The following CENPC variants were observed in gnomAD, a reference collection of about 807,000 sequenced individuals.
CENPC encodes CENP-C 1.
A neutral mutation model predicts 112.1 loss-of-function variants in CENPC; 63 were observed. That is an observed-to-expected ratio of 0.56 (90% confidence interval 0.46 to 0.69). The LOEUF is 0.69. Among genes scored for constraint, CENPC ranks in the 30% least tolerant of loss-of-function variants. The pLI, the probability that CENPC is intolerant of heterozygous loss-of-function variation, is 0.00. For synonymous variants in CENPC, 333 were observed against 367.6 expected (o/e 0.91, Z 1.08); for missense variants, 1,000 against 1,103.8 (o/e 0.91, Z 1.33).
chr4:67,490,771 T>C (rs983604619), intron 16 of CENPC, among the ~76,000 whole-genome samples: 4 of 149,806 alleles, frequency 2.7e-5, no homozygotes, highest in African/African-American at 9.8e-5. Flanking sequence ...GTCATCAATG[T>C]CTGATTCTGT....
intron 8 of CENPC, 86 bp from the exon 9 acceptor site, chr4:67,512,655 T>A: frequency 1.1e-6 from 1 of 917,666 alleles, no homozygotes; most frequent in Non-Finnish European, 1.6e-6. Flanking sequence ...AACCGTCAAT[T>A]ACAGGAACTT....
At position 67,540,018 on chromosome 4, in the gene CENPC, G is replaced by C. The variant is rs1726843657; in HGVS notation, c.137-84C>G. The C allele has an allele frequency of 4.7e-6, 3 of 640,510 alleles. No individual in the cohort carries two copies. In the East Asian group the frequency reaches 9.9e-5, roughly 21 times the overall value. 39.7% of individuals were successfully genotyped at this position (640,510 alleles called of 1,614,324 possible). Reference sequence around the variant, plus strand: ...AATTAAAAGTAGCTGTATATGACATGTGAAGAACCATCTGTTGACTCACTG... The same window carrying C: ...AATTAAAAGTAGCTGTATATGACATCTGAAGAACCATCTGTTGACTCACTG... On this transcript the variant is annotated intron_variant, in intron 3 of 18. Coordinates refer to ENST00000273853, the MANE Select transcript of CENPC (RefSeq NM_001812.4).
intron 2 of CENPC, among the ~76,000 whole-genome samples, chr4:67,543,862 C>T (rs1726954278): frequency 6.6e-6 from 1 of 152,098 alleles, no homozygotes; most frequent in Admixed American, 6.5e-5. Flanking sequence ...CTAATTTTAC[C>T]ATTTGATTCA....
At chr4:67,540,316 C>G (rs1446660994) in intron 3 of CENPC, among the ~76,000 whole-genome samples, 1 of 152,172 alleles carries the variant, frequency 6.6e-6, no homozygotes, top group African/African-American at 2.4e-5. Flanking sequence ...ATGTAAATCA[C>G]CAAAGATTAT....
At chr4:67,504,142 C>T (rs1375728314) in intron 12 of CENPC, among the ~76,000 whole-genome samples, 1 of 145,824 alleles carries the variant, frequency 6.9e-6, no homozygotes. Context: ...GAGCTAGAAC[C>T]AATCCCAGGT....
chr4:67,497,794 T>C (rs1341124335), intron 12 of CENPC, among the ~76,000 whole-genome samples: 2 of 98,408 alleles, frequency 2.0e-5, no homozygotes, highest in Admixed American at 2.6e-4. Flanking sequence ...TCCCAAAGTG[T>C]TGGGTGGCTC....
rs1031197584 is a variant in CENPC at position 67,471,481 on chromosome 4, G to A, written c.*1124C>T. 1.3e-5 allele frequency: 2 copies of A among 151,854 alleles called. No homozygotes were observed. Among genetic ancestry groups the A allele is most frequent in the Non-Finnish European group, 2.9e-5 (2 of 67,980 alleles). The allele number at this position is 151,854 out of a possible 1,614,324, so 9.4% of individuals were successfully genotyped here. A position where few individuals can be genotyped will look rare whatever the true frequency, so the allele number is the denominator to read the frequency against. On this transcript the variant is annotated 3_prime_UTR_variant, in exon 19 of 19. Transcript: ENST00000273853. Reference sequence around the variant, plus strand: ...TAAATCTGTATGGGCCCAGATACTTGATTAGTCAAGCCTTCAATAAGACTT... The same window carrying A: ...TAAATCTGTATGGGCCCAGATACTTAATTAGTCAAGCCTTCAATAAGACTT...
chr4:67,500,437 C>G (rs188926803), intron 12 of CENPC, among the ~76,000 whole-genome samples: 2 of 152,140 alleles, frequency 1.3e-5, no homozygotes, highest in African/African-American at 4.8e-5. Flanking sequence ...ACAAGGATCA[C>G]GTCAAGTGCC....
intron 17 of CENPC, among the ~76,000 whole-genome samples, chr4:67,484,941 A>C (rs1292479621): frequency 2.0e-5 from 3 of 152,124 alleles, no homozygotes; most frequent in Admixed American, 2.0e-4. Context: ...AAAATACAAA[A>C]AATTAGCCAG....
At chr4:67,524,567 T>G (rs1332672595) in intron 5 of CENPC, among the ~76,000 whole-genome samples, 1 of 152,102 alleles carries the variant, frequency 6.6e-6, no homozygotes, top group Non-Finnish European at 1.5e-5. Flanking sequence ...AAAACATGAA[T>G]GAACTCCCAT....
rs1381277729 is a variant in CENPC at position 67,516,032 on chromosome 4, G to A, written c.831-1345C>T. ...TTGTAAAAGGCTAAAGAGTAAGACA[G>A]ACAATTTCAACTACAATCTTATGGC... On this transcript the variant is annotated intron_variant, in intron 7 of 18. Coordinates refer to ENST00000273853, the MANE Select transcript of CENPC (RefSeq NM_001812.4). Among the ~76,000 whole-genome samples, 66 of 151,928 alleles carry A rather than the reference G, an allele frequency of 4.3e-4. 1 individual carries two copies. Among genetic ancestry groups the A allele is most frequent in the Admixed American group, 4.3e-3 (66 of 15,262 alleles).
rs1356631072 is a variant in CENPC at position 67,544,214 on chromosome 4, A to T, written c.19-19T>A. 2 of 1,483,140 alleles carry T rather than the reference A, an allele frequency of 1.3e-6. No individual in the cohort carries two copies. The highest frequency in any genetic ancestry group is 3.4e-5 in the Admixed American group (2 of 58,256). The allele number at this position is 1,483,140 out of a possible 1,614,324, so 91.9% of individuals were successfully genotyped here. A position where few individuals can be genotyped will look rare whatever the true frequency, so the allele number is the denominator to read the frequency against. On this transcript the variant is annotated intron_variant, in intron 1 of 18. Coordinates refer to ENST00000273853, the MANE Select transcript of CENPC (RefSeq NM_001812.4). ...GATGATCCTGAAAGAAAAGTAAATC[A>T]TCAATTTGGTTTCTTTAAGATAGAG...
At chr4:67,524,935 G>A (rs766144684) in intron 5 of CENPC, among the ~76,000 whole-genome samples, 5 of 152,072 alleles carry the variant, frequency 3.3e-5, no homozygotes, top group African/African-American at 1.2e-4. Context: ...TATACTATAA[G>A]GCTACAGTAA....
intron 5 of CENPC, among the ~76,000 whole-genome samples, chr4:67,529,889 G>GA: frequency 6.6e-6 from 1 of 151,932 alleles, no homozygotes; most frequent in Admixed American, 6.6e-5. Flanking sequence ...GTTGACAGAG[G>GA]AAAAAACAAA....
intron 12 of CENPC, among the ~76,000 whole-genome samples, chr4:67,499,943 G>C (rs1041807595): frequency 1.3e-5 from 2 of 152,160 alleles, no homozygotes; most frequent in African/African-American, 2.4e-5. Flanking sequence ...AGCCTGAAGA[G>C]AGGGAGAAAG....
At chr4:67,488,150 T>G (rs1407903710) in intron 17 of CENPC, among the ~76,000 whole-genome samples, 1 of 151,636 alleles carries the variant, frequency 6.6e-6, no homozygotes, top group East Asian at 1.9e-4. Context: ...AGATACTATA[T>G]ACAAAGAACT....
chr4:67,471,016 C>G lies in CENPC; in HGVS notation c.*1589G>C, dbSNP rs962003658. 6.6e-6 allele frequency: 1 copy of G among 152,116 alleles called. No homozygotes were observed. The allele number at this position is 152,116 out of a possible 1,614,324, so 9.4% of individuals were successfully genotyped here. ...ACAGGGGAGACTCAAGAGAGCATGG[C>G]AAATGTAAAAACCAAGGGGAATTTG... On this transcript the variant is annotated 3_prime_UTR_variant, in exon 19 of 19. Coordinates refer to ENST00000273853, the MANE Select transcript of CENPC (RefSeq NM_001812.4).
chr4:67,544,006 C>T (rs1399161582), intron 2 of CENPC, 143 bp downstream of exon 2: 3 of 590,272 alleles, frequency 5.1e-6, no homozygotes, highest in Middle Eastern at 2.9e-4. Context: ...TTAACATTCC[C>T]GTTAGTATAA....
At chr4:67,491,077 G>A (rs1160313454) in intron 16 of CENPC, among the ~76,000 whole-genome samples, 5 of 151,114 alleles carry the variant, frequency 3.3e-5, no homozygotes, top group Non-Finnish European at 5.9e-5. Flanking sequence ...TTGCTAAGGT[G>A]TTAAGATATT....
Sources: allele counts gnomAD v4.1 joint callset (sites outside exome capture counted in the v4.1 genomes callset), GRCh38; gene constraint gnomAD v4.1.1; transcripts MANE v1.5; gene names NCBI Gene and HGNC (gene_info 2026-07-23, HGNC 2026-07-21).